ZC2HC1B: variants seen among roughly 807,000 people sequenced by gnomAD.
The protein encoded by ZC2HC1B is zinc finger C2HC domain-containing protein 1B.
Under a neutral mutation model 31.0 loss-of-function variants are expected in ZC2HC1B, and 36 were observed. The observed-to-expected ratio is 1.16, with a 90% CI of 0.89 to 1.54. The LOEUF (loss-of-function observed/expected upper bound fraction) is 1.54. Ranked by LOEUF, ZC2HC1B falls within the 40% of genes most tolerant of loss-of-function variation. The pLI is 0.00. For missense variants in ZC2HC1B, 260 were observed against 268.6 expected, an observed-to-expected ratio of 0.97 and a Z score of 0.22; for synonymous variants, 73 against 88.0, an observed-to-expected ratio of 0.83 and a Z score of 0.95.
At chr6:143,906,853 C>T (rs145020809) in intron 6 of ZC2HC1B, among the ~76,000 whole-genome samples, 65 of 151,790 alleles carry the variant, frequency 4.3e-4, no homozygotes, top group African/African-American at 1.6e-3. Context: ...TAAGCATGTG[C>T]TACGGTGATT....
intron 5 of ZC2HC1B, 70 bp downstream of exon 5, chr6:143,898,761 T>G (rs1777702079): frequency 2.0e-6 from 3 of 1,522,592 alleles, no homozygotes; most frequent in Non-Finnish European, 2.7e-6. Flanking sequence ...TAGAACTCCC[T>G]AGAGAACCTC....
At chr6:143,914,234 C>G (rs1214943407) in intron 6 of ZC2HC1B, among the ~76,000 whole-genome samples, 1 of 151,900 alleles carries the variant, frequency 6.6e-6, no homozygotes, top group African/African-American at 2.4e-5. Flanking sequence ...GTAAATTCCC[C>G]CTTAGCACTG....
At chr6:143,866,350 C>T (rs11155328) in intron 1 of ZC2HC1B, among the ~76,000 whole-genome samples, 45,959 of 152,138 alleles carry the variant, frequency 0.3, 7,209 homozygotes, top group East Asian at 0.53. Flanking sequence ...TTGTGCAAAA[C>T]CATCTGGCAA....
At position 143,922,080 on chromosome 6, in the gene ZC2HC1B, C is replaced by T. The variant is rs1327349640; in HGVS notation, c.599-15569C>T. Reference sequence around the variant, plus strand: ...TGTTTAAGGACTTGGAGAAAAGTACCAAATGCCTTTCGTTGATACAAACAA... The same window carrying T: ...TGTTTAAGGACTTGGAGAAAAGTACTAAATGCCTTTCGTTGATACAAACAA... On this transcript the variant is annotated intron_variant, in intron 6 of 7. Coordinates refer to ENST00000237275, the MANE Select transcript of ZC2HC1B (RefSeq NM_001013623.3). The surrounding 1 kb of genome is among the most constrained non-coding windows in gnomAD (Gnocchi z 5.0). Among the ~76,000 whole-genome samples, 2 of 152,120 alleles carry T rather than the reference C, an allele frequency of 1.3e-5. No individual in the cohort carries two copies. Among genetic ancestry groups the T allele is most frequent in the African/African-American group, 4.8e-5 (2 of 41,414 alleles).
intron 1 of ZC2HC1B, among the ~76,000 whole-genome samples, chr6:143,867,758 G>T (rs111252429): frequency 1.3e-5 from 2 of 152,196 alleles, no homozygotes; most frequent in Non-Finnish European, 2.9e-5. Context: ...TATCTTAGTC[G>T]TGATAGCCGT....
At chr6:143,874,234 C>A (rs955423250) in intron 1 of ZC2HC1B, among the ~76,000 whole-genome samples, 1 of 152,170 alleles carries the variant, frequency 6.6e-6, no homozygotes, top group Non-Finnish European at 1.5e-5. Context: ...TTCCTCATCT[C>A]CATCTGAGAT....
chr6:143,879,804 T>C (rs1207820216), intron 1 of ZC2HC1B, among the ~76,000 whole-genome samples: 1 of 150,376 alleles, frequency 6.6e-6, no homozygotes, highest in Non-Finnish European at 1.5e-5. Flanking sequence ...TTTTTTTTTT[T>C]CCTGCTCAAG....
rs568822031 is a variant in ZC2HC1B at position 143,880,938 on chromosome 6, C to T, written c.29-3366C>T. On this transcript the variant is annotated intron_variant, in intron 1 of 7. Transcript: ENST00000237275. ...AAATAACTATAGTACAATATCAAAA[C>T]CAGGAAACTAACATTAGTATATGGT... Among the ~76,000 whole-genome samples, 56 of 152,260 alleles carry T rather than the reference C, an allele frequency of 3.7e-4. No homozygotes were observed. In the South Asian group the frequency reaches 0.012, roughly 32 times the overall value.
In ZC2HC1B at chr6:143,918,051, G is replaced by A. The variant is rs908356980; in HGVS notation, c.598+14899G>A. Reference sequence around the variant, plus strand: ...TTTCTTCATACAGCTTCAAGTTTCTGTCTAGGATCCTCCCACTTCACCTTG... The same window carrying A: ...TTTCTTCATACAGCTTCAAGTTTCTATCTAGGATCCTCCCACTTCACCTTG... On this transcript the variant is annotated intron_variant, in intron 6 of 7. Transcript: ENST00000237275. The surrounding 1 kb of genome is among the most constrained non-coding windows in gnomAD (Gnocchi z 4.1). Among the ~76,000 whole-genome samples the A allele has an allele frequency of 1.8e-4, 27 of 152,200 alleles. No homozygotes were observed. Among genetic ancestry groups the A allele is most frequent in the African/African-American group, 6.3e-4 (26 of 41,454 alleles).
intron 1 of ZC2HC1B, among the ~76,000 whole-genome samples, chr6:143,874,606 A>C (rs1406840774): frequency 1.3e-5 from 2 of 152,184 alleles, no homozygotes; most frequent in Non-Finnish European, 1.5e-5. Context: ...TGGTGGCAGC[A>C]AGAGAAAATG....
chr6:143,877,493 G>C (rs1260213446), intron 1 of ZC2HC1B, among the ~76,000 whole-genome samples: 1 of 149,394 alleles, frequency 6.7e-6, no homozygotes, highest in African/African-American at 2.5e-5. Context: ...ATGTTGGTCA[G>C]GCTGGTCTCA....
chr6:143,885,385 G>A lies in ZC2HC1B; in HGVS notation c.91-647G>A, dbSNP rs1345333297. Among the ~76,000 whole-genome samples, 1 of 152,066 alleles carries A rather than the reference G, an allele frequency of 6.6e-6. No individual in the cohort carries two copies. The highest frequency in any genetic ancestry group is 2.4e-5 in the African/African-American group (1 of 41,414). On this transcript the variant is annotated intron_variant, in intron 2 of 7. Transcript: ENST00000237275. This position sits in a 1 kb window ranked among gnomAD's most constrained non-coding sequence, Gnocchi z 4.2. ...GACCTGGGAGGTTCCATTTGCAGAG[G>A]GATCTCTAAATGTCAGGTACATCTT...
At position 143,870,596 on chromosome 6, in the gene ZC2HC1B, C is replaced by T. The variant is rs1777324887; in HGVS notation, c.28+6029C>T. ...TTATGGCTAGATGGGTCAGAAAGCA[C>T]TCAGTTCATGATAGGCAGGTCAGGT... On this transcript the variant is annotated intron_variant, in intron 1 of 7. Coordinates refer to ENST00000237275, the MANE Select transcript of ZC2HC1B (RefSeq NM_001013623.3). This position sits in a 1 kb window ranked among gnomAD's most constrained non-coding sequence, Gnocchi z 4.7. Among the ~76,000 whole-genome samples, 1 of 152,206 alleles carries T rather than the reference C, an allele frequency of 6.6e-6. No homozygotes were observed. The highest frequency in any genetic ancestry group is 6.5e-5 in the Admixed American group (1 of 15,280).
At chr6:143,927,259 T>C (rs1778064135) in intron 6 of ZC2HC1B, among the ~76,000 whole-genome samples, 1 of 152,066 alleles carries the variant, frequency 6.6e-6, no homozygotes, top group Non-Finnish European at 1.5e-5. Context: ...CTGAATAGTG[T>C]TTATTGTACC....
chr6:143,903,192 G>T lies in ZC2HC1B; in HGVS notation c.598+40G>T, dbSNP rs1449237564. The T allele has an allele frequency of 6.6e-7, 1 of 1,511,164 alleles. No homozygotes were observed. Among genetic ancestry groups the T allele is most frequent in the African/African-American group, 1.4e-5 (1 of 72,182 alleles). 93.6% of individuals were successfully genotyped at this position (1,511,164 alleles called of 1,614,324 possible). On this transcript the variant is annotated intron_variant, in intron 6 of 7. Coordinates refer to ENST00000237275, the MANE Select transcript of ZC2HC1B (RefSeq NM_001013623.3). This position sits in a 1 kb window ranked among gnomAD's most constrained non-coding sequence, Gnocchi z 4.3. ...GCATTTCATCTCTCAAATGATGGGGGTCAGAGGAGATCACTGTTGGGTTTG... is the reference window on the plus strand; with the variant it reads ...GCATTTCATCTCTCAAATGATGGGGTTCAGAGGAGATCACTGTTGGGTTTG...
chr6:143,892,677 T>G (rs566984597), intron 4 of ZC2HC1B, among the ~76,000 whole-genome samples: 1 of 152,294 alleles, frequency 6.6e-6, no homozygotes, highest in Non-Finnish European at 1.5e-5. Flanking sequence ...AGTACCAAGC[T>G]TGTTCATAAT....
rs1777909582 is a variant in ZC2HC1B, at chr6:143,915,747, G to A, written c.598+12595G>A. On this transcript the variant is annotated intron_variant, in intron 6 of 7. Coordinates refer to ENST00000237275, the MANE Select transcript of ZC2HC1B (RefSeq NM_001013623.3). The surrounding 1 kb of genome is among the most constrained non-coding windows in gnomAD (Gnocchi z 5.2). ...CATTTTGCCCCTGCCATAGAGATGT[G>A]TGGAACTTTGGACTTCAGGGAGATG... 6.6e-6 allele frequency among the ~76,000 whole-genome samples: 1 copy of A among 152,200 alleles called. No individual in the cohort carries two copies. The highest frequency in any genetic ancestry group is 1.5e-5 in the Non-Finnish European group (1 of 68,030).
chr6:143,901,704 G>A (rs560119774), intron 5 of ZC2HC1B, among the ~76,000 whole-genome samples: 1 of 152,206 alleles, frequency 6.6e-6, no homozygotes, highest in Admixed American at 6.5e-5. Flanking sequence ...GAAGGGCCCG[G>A]TTCAGTGTCT....
intron 5 of ZC2HC1B, among the ~76,000 whole-genome samples, chr6:143,900,772 A>G (rs1777728549): frequency 6.6e-6 from 1 of 152,322 alleles, no homozygotes; most frequent in Non-Finnish European, 1.5e-5. Context: ...TGTAGATAAT[A>G]GAACACAGGA....
Sources: gnomAD v4.1 joint callset for allele counts (sites outside exome capture counted in the v4.1 genomes callset) on GRCh38, gnomAD v4.1.1 for gene constraint, Gnocchi (gnomAD v3.1) non-coding constraint, MANE v1.5 for transcripts, NCBI Gene and HGNC (gene_info 2026-07-23, HGNC 2026-07-21) for gene names.